MSMO1: variants seen among roughly 807,000 people sequenced by gnomAD.
MSMO1 encodes C-4 methylsterol oxidase.
A neutral mutation model predicts 30.4 loss-of-function variants in MSMO1; 18 were observed. The observed-to-expected ratio is 0.59, with a 90% CI of 0.41 to 0.88. The LOEUF (loss-of-function observed/expected upper bound fraction) is 0.88. Among genes scored for constraint, MSMO1 ranks in the 40% least tolerant of loss-of-function variants. MSMO1 has a pLI of 0.00. For synonymous variants in MSMO1, 84 were observed against 107.9 expected (o/e 0.78, Z 1.37); for missense variants, 284 against 340.5 (o/e 0.83, Z 1.31).
At chr4:165,330,259 T>C (rs10019675) in intron 1 of MSMO1, among the ~76,000 whole-genome samples, 14,782 of 152,194 alleles carry the variant, frequency 0.097, 1,810 homozygotes, top group African/African-American at 0.29. Flanking sequence ...TATAAAATGG[T>C]GATAAAATAA....
chr4:165,329,531 AAGAAG>A (rs1747329716), intron 1 of MSMO1, among the ~76,000 whole-genome samples: 1 of 151,358 alleles, frequency 6.6e-6, no homozygotes, highest in Admixed American at 6.6e-5. Context: ...GCGGTATTTC[AAGAAG>A]AGAAGTATCA....
intron 3 of MSMO1, 36 bp downstream of exon 3, chr4:165,337,973 G>A (rs527905288): frequency 1.3e-6 from 2 of 1,594,034 alleles, no homozygotes; most frequent in Non-Finnish European, 1.7e-6. Flanking sequence ...ACACCCAATT[G>A]TGGCTTATTC....
Position 165,338,585 on chromosome 4 carries a change from C to G in MSMO1, c.405-67C>G. The G allele has an allele frequency of 2.8e-6, 4 of 1,411,240 alleles. No homozygotes were observed. In the South Asian group the frequency reaches 3.5e-5, roughly 12 times the overall value. The allele number at this position is 1,411,240 out of a possible 1,614,324, so 87.4% of individuals were successfully genotyped here. The stretch of plus-strand genomic sequence containing the variant: ...TATGTAATGTCTCAAGCAGTGATCC[C>G]AACTAAAAGTCTGGATAGTTTAAGT... On this transcript the variant is annotated intron_variant, in intron 3 of 5. Coordinates refer to ENST00000261507, the MANE Select transcript of MSMO1 (RefSeq NM_006745.5).
At position 165,338,659 on chromosome 4, in the gene MSMO1, C is replaced by A; in HGVS notation, c.412C>A (p.Leu138Ile). The change falls in exon 4 of 6, where the codon CTT becomes ATT. Residue 138 changes from leucine to isoleucine, a missense_variant. By Grantham distance (5) the Leu-to-Ile change is conservative. Coordinates refer to ENST00000261507, the MANE Select transcript of MSMO1 (RefSeq NM_006745.5). ...AACATTTTTATCTTAAAGGTATTTT[C>A]TTTTGGCAAGATGCTTTGGTTGTGC... ...DWERMPRWYF[L>I]LARCFGCAVI... The A allele has an allele frequency of 6.2e-7, 1 of 1,609,464 alleles. No individual in the cohort carries two copies.
intron 2 of MSMO1, among the ~76,000 whole-genome samples, chr4:165,334,522 A>G (rs1483606928): frequency 6.6e-6 from 1 of 152,106 alleles, no homozygotes; most frequent in African/African-American, 2.4e-5. Flanking sequence ...CCCTAAATAT[A>G]TGGTAGGTAG....
chr4:165,333,350 C>G lies in MSMO1; in HGVS notation c.-21C>G. Reference sequence around the variant, plus strand: ...TATTCATTTCTACAGAATTATAAGGCTGTCTGCAGAGATTTGAAAAATGGC... The same window carrying G: ...TATTCATTTCTACAGAATTATAAGGGTGTCTGCAGAGATTTGAAAAATGGC... On this transcript the variant is annotated 5_prime_UTR_variant, in exon 2 of 6. Transcript: ENST00000261507. The G allele has an allele frequency of 6.2e-7, 1 of 1,610,406 alleles. No individual in the cohort carries two copies. Among genetic ancestry groups the G allele is most frequent in the Non-Finnish European group, 8.5e-7 (1 of 1,178,830 alleles).
chr4:165,331,530 G>T (rs1247889493), intron 1 of MSMO1, among the ~76,000 whole-genome samples: 2 of 152,148 alleles, frequency 1.3e-5, no homozygotes, highest in Non-Finnish European at 2.9e-5. Flanking sequence ...AGTCACTGTG[G>T]TGTAAGTCAT....
Position 165,327,754 on chromosome 4 carries a change from C to T in MSMO1, c.-42C>T, listed in dbSNP as rs1397614069. The T allele has an allele frequency of 1.3e-5, 2 of 152,228 alleles. No homozygotes were observed. Among genetic ancestry groups the T allele is most frequent in the Non-Finnish European group, 2.9e-5 (2 of 68,098 alleles). 9.4% of individuals were successfully genotyped at this position (152,228 alleles called of 1,614,324 possible). On this transcript the variant is annotated 5_prime_UTR_variant, in exon 1 of 6. Transcript: ENST00000261507. ...GTGTCGGTGGCCGGCAGTCATCTCG[C>T]GGCCGTTCAGGTGAGGGGGTTGGAG...
At position 165,337,887 on chromosome 4, in the gene MSMO1, T is replaced by C. The variant is rs777525467; in HGVS notation, c.354T>C (p.Tyr118=). 6.2e-7 allele frequency: 1 copy of C among 1,613,144 alleles called. No homozygotes were observed. Among genetic ancestry groups the C allele is most frequent in the Admixed American group, 1.7e-5 (1 of 59,972 alleles). ...IQLPLICGTY[Y]FTEYFNIPYD... ...TGCCTTTGATTTGTGGAACCTATTA[T>C]TTTACAGAGTATTTCAATATTCCTT... Residue 118 remains tyrosine (Y), a synonymous_variant, in exon 3 of 6, where the codon TAT becomes TAC. Coordinates refer to ENST00000261507, the MANE Select transcript of MSMO1 (RefSeq NM_006745.5).
intron 2 of MSMO1, among the ~76,000 whole-genome samples, chr4:165,334,296 T>C (rs1480765501): frequency 2.0e-5 from 3 of 152,244 alleles, no homozygotes; most frequent in Admixed American, 2.0e-4. Context: ...TAGGTCATTA[T>C]TGATAACATT....
chr4:165,343,088 T>G lies in MSMO1; in HGVS notation c.*1142T>G, dbSNP rs951984366. 3.3e-5 allele frequency: 5 copies of G among 152,650 alleles called. No homozygotes were observed. The highest frequency in any genetic ancestry group is 6.5e-5 in the Admixed American group (1 of 15,288). The allele number at this position is 152,650 out of a possible 1,614,324, so 9.5% of individuals were successfully genotyped here. ...TTGTGTGATTATCTGGTTTCCAGTT[T>G]TAAACATTAACTGTCACCTTTTATT... is the stretch of plus-strand genomic sequence containing the variant. On this transcript the variant is annotated 3_prime_UTR_variant, in exon 6 of 6. Coordinates refer to ENST00000261507, the MANE Select transcript of MSMO1 (RefSeq NM_006745.5).
rs1747739365 is a variant in MSMO1 at position 165,342,361 on chromosome 4, T to C, written c.*415T>C. 6.7e-6 allele frequency: 1 copy of C among 148,426 alleles called. No individual in the cohort carries two copies. Among genetic ancestry groups the C allele is most frequent in the Non-Finnish European group, 1.4e-5 (1 of 70,114 alleles). 9.2% of individuals were successfully genotyped at this position (148,426 alleles called of 1,614,324 possible). A position where few individuals can be genotyped will look rare whatever the true frequency, so the allele number is the denominator to read the frequency against. Reference sequence around the variant, plus strand: ...GGTATTGGCCTTATATTTAACTTTTTTTTTATTTTTTTTTTGAGACAAAGC... The same window carrying C: ...GGTATTGGCCTTATATTTAACTTTTCTTTTATTTTTTTTTTGAGACAAAGC... On this transcript the variant is annotated 3_prime_UTR_variant, in exon 6 of 6. Transcript: ENST00000261507.
intron 1 of MSMO1, among the ~76,000 whole-genome samples, chr4:165,329,696 G>A (rs781581439): frequency 7.6e-6 from 1 of 131,488 alleles, no homozygotes; most frequent in African/African-American, 3.0e-5. Flanking sequence ...ATGCAGTGTC[G>A]TGATCTCTGC....
At chr4:165,336,245 A>AAC (rs1255368273) in intron 2 of MSMO1, among the ~76,000 whole-genome samples, 2 of 151,998 alleles carry the variant, frequency 1.3e-5, no homozygotes, top group African/African-American at 4.8e-5. Flanking sequence ...TAAAAAAAAA[A>AAC]AAAACATACA....
rs910022150 is a variant in MSMO1 at position 165,331,933 on chromosome 4, GCT to G, written c.-31-1404_-31-1403del. Among the ~76,000 whole-genome samples, 14 of 147,738 alleles carry G rather than the reference GCT, an allele frequency of 9.5e-5. No individual in the cohort carries two copies. In the South Asian group the frequency reaches 2.1e-3, roughly 22 times the overall value. ...ATAACACTATTTCCTACCCCGCCGC[GCT>G]CTGTCTTCCGTAACACTCTCCCCTA... On this transcript the variant is annotated intron_variant, in intron 1 of 5. Transcript: ENST00000261507.
At position 165,334,178 on chromosome 4, in the gene MSMO1, C is replaced by T. The variant is rs368437653; in HGVS notation, c.255+553C>T. Among the ~76,000 whole-genome samples, 7 of 152,176 alleles carry T rather than the reference C, an allele frequency of 4.6e-5. No homozygotes were observed. The East Asian group carries it at 7.7e-4, about 17-fold the overall frequency. On this transcript the variant is annotated intron_variant, in intron 2 of 5. Coordinates refer to ENST00000261507, the MANE Select transcript of MSMO1 (RefSeq NM_006745.5). ...GATATTTAATAAGTCTTTGCAATTC[C>T]GTGTGTATTTTACATTAATTTTAGT...
chr4:165,338,874 T>G, intron 4 of MSMO1, 96 bp downstream of exon 4: 1 of 999,296 alleles, frequency 1.0e-6, no homozygotes, highest in Non-Finnish European at 1.5e-6. Context: ...ACGTTTTTAT[T>G]TTCTTTTCCT....
At chr4:165,336,103 A>G (rs1747537190) in intron 2 of MSMO1, among the ~76,000 whole-genome samples, 1 of 152,202 alleles carries the variant, frequency 6.6e-6, no homozygotes, top group African/African-American at 2.4e-5. Context: ...GGTGGTGGTG[A>G]TGAAATAGTA....
chr4:165,338,582 T>G, intron 3 of MSMO1, 70 bp from the exon 4 acceptor site: 1 of 1,386,190 alleles, frequency 7.2e-7, no homozygotes, highest in African/African-American at 1.4e-5. Flanking sequence ...CAAGCAGTGA[T>G]CCCAACTAAA....
Sources: allele counts gnomAD v4.1 joint callset (sites outside exome capture counted in the v4.1 genomes callset), GRCh38; gene constraint gnomAD v4.1.1; transcripts MANE v1.5; gene names NCBI Gene and HGNC (gene_info 2026-07-23, HGNC 2026-07-21).